Variants in RBM26 observed in about 807,000 individuals in gnomAD.
RBM26 encodes RNA-binding protein 26.
Under a neutral mutation model 123.6 loss-of-function variants are expected in RBM26, and 30 were observed. The ratio of observed to expected loss-of-function variants is 0.24; its 90% confidence interval spans 0.18 to 0.33. The LOEUF (loss-of-function observed/expected upper bound fraction) is 0.33, where lower values mean the gene tolerates loss of function less well. Ranked by LOEUF, RBM26 falls within the 10% of genes least tolerant of loss-of-function variation. The probability of loss-of-function intolerance (pLI) is 1.00; values close to 1 mark genes in which losing one functional copy is unlikely to be tolerated. For synonymous variants in RBM26, 400 were observed against 404.4 expected (o/e 0.99, Z 0.13); for missense variants, 947 against 1,203.6 (o/e 0.79, Z 3.15).
At chr13:79,351,103 A>G (rs191835738) in intron 14 of RBM26, among the ~76,000 whole-genome samples, 1 of 152,320 alleles carries the variant, frequency 6.6e-6, no homozygotes, top group African/African-American at 2.4e-5. Flanking sequence ...TAGTAAAGTT[A>G]TATTATCAAC....
intron 1 of RBM26, among the ~76,000 whole-genome samples, chr13:79,400,921 G>C (rs1270757965): frequency 6.6e-6 from 1 of 152,162 alleles, no homozygotes; most frequent in African/African-American, 2.4e-5. Flanking sequence ...TTAAAAGTCT[G>C]ACTACTACTT....
chr13:79,336,723 C>G (rs996789017), intron 19 of RBM26, among the ~76,000 whole-genome samples: 3 of 152,144 alleles, frequency 2.0e-5, no homozygotes, highest in Non-Finnish European at 4.4e-5. Flanking sequence ...TCAGCTAGAT[C>G]AAGAATACAT....
Position 79,371,098 on chromosome 13 carries a change from G to A in RBM26, c.481C>T (p.Arg161Ter). ...RKRDYDRNPP[R>*]RDSYRDRYNR... The stretch of plus-strand genomic sequence containing the variant: ...TACCGGTCTCTGTATGAATCTCTTC[G>A]AGGAGGGTTTCGATCATAATCTCTT... Residue 161 changes from arginine (R) to a stop codon, truncating the protein, a stop_gained, in exon 5 of 22, where the codon CGA becomes TGA. Transcript: ENST00000438737. LOFTEE classifies it high-confidence loss of function. 6.2e-7 allele frequency: 1 copy of A among 1,614,056 alleles called. No homozygotes were observed. Among genetic ancestry groups the A allele is most frequent in the East Asian group, 2.2e-5 (1 of 44,878 alleles).
intron 19 of RBM26, 33 bp downstream of exon 19, chr13:79,337,069 C>T (rs1432728506): frequency 3.2e-6 from 5 of 1,582,692 alleles, no homozygotes; most frequent in Non-Finnish European, 4.3e-6. Flanking sequence ...TGATGATTAT[C>T]AGCATTTGTT....
intron 3 of RBM26, chr13:79,377,065 T>C: frequency 4.6e-6 from 1 of 218,538 alleles, no homozygotes; most frequent in Non-Finnish European, 9.3e-6. Context: ...CATGTGTTGT[T>C]ACAGTTCACT....
chr13:79,399,421 AAAG>A (rs2078875073), intron 1 of RBM26, among the ~76,000 whole-genome samples: 1 of 152,232 alleles, frequency 6.6e-6, no homozygotes, highest in Admixed American at 6.5e-5. Context: ...TCTTCAGAAA[AAAG>A]AAACAGTAAA....
In RBM26 at chr13:79,365,655, A is replaced by G. The variant is rs1322600720; in HGVS notation, c.1340T>C (p.Met447Thr). ...TTGTGCATGCACTCTGTGTCTATAC[A>G]TAGGTCTGGAAGTGTTTGTTATGCT... ...APSITNTSRP[M>T]YRHRVHAQRP... The change falls in exon 9 of 22, where the codon ATG becomes ACG. Residue 447 changes from methionine to threonine, a missense_variant. Transcript: ENST00000438737. 1.9e-6 allele frequency: 3 copies of G among 1,613,778 alleles called. No individual in the cohort carries two copies. The highest frequency in any genetic ancestry group is 3.3e-5 in the Admixed American group (2 of 59,996).
intron 1 of RBM26, among the ~76,000 whole-genome samples, chr13:79,393,490 G>A (rs902075165): frequency 2.6e-5 from 4 of 152,160 alleles, no homozygotes; most frequent in Admixed American, 2.6e-4. Flanking sequence ...CAAGAAGTGA[G>A]GTTGCTGCAG....
intron 1 of RBM26, among the ~76,000 whole-genome samples, chr13:79,403,328 T>C (rs940496023): frequency 6.6e-6 from 1 of 152,180 alleles, no homozygotes; most frequent in Non-Finnish European, 1.5e-5. Flanking sequence ...CAGAGCCTTA[T>C]TTATTACAAC....
chr13:79,344,189 TAAGTTCACTCC>T (rs1404832457), intron 16 of RBM26, 48 bp downstream of exon 16: 23 of 1,058,220 alleles, frequency 2.2e-5, no homozygotes, highest in Non-Finnish European at 3.4e-5. Flanking sequence ...AGCATAAGAT[TAAGTTCACTCC>T]AAATTATAAC....
In RBM26 at chr13:79,341,044, A is replaced by G; in HGVS notation, c.2532+79T>C. The G allele has an allele frequency of 4.1e-6, 3 of 728,056 alleles. No homozygotes were observed. In the East Asian group the frequency reaches 8.1e-5, roughly 20 times the overall value. 45.1% of individuals were successfully genotyped at this position (728,056 alleles called of 1,614,324 possible). On this transcript the variant is annotated intron_variant, in intron 18 of 21. Coordinates refer to ENST00000438737, the MANE Select transcript of RBM26 (RefSeq NM_001366735.2). ...ACAATTACTAATGAGAATGAAGGGA[A>G]GGGAATATATTTTTAAATTGACCAC...
At chr13:79,374,728 G>C (rs1001630001) in intron 3 of RBM26, among the ~76,000 whole-genome samples, 2 of 151,920 alleles carry the variant, frequency 1.3e-5, no homozygotes, top group Non-Finnish European at 2.9e-5. Context: ...ATGCACTTTT[G>C]CGAGTTATCT....
intron 21 of RBM26, among the ~76,000 whole-genome samples, chr13:79,320,953 C>T (rs1393784471): frequency 6.6e-6 from 1 of 151,084 alleles, no homozygotes; most frequent in Non-Finnish European, 1.5e-5. Context: ...TTTGTACATG[C>T]CATTTTTTCC....
chr13:79,359,437 G>A (rs2074405599), intron 10 of RBM26, 138 bp downstream of exon 10: 1 of 467,308 alleles, frequency 2.1e-6, no homozygotes. Flanking sequence ...CCAATTTTTA[G>A]AAAACTCACA....
intron 8 of RBM26, 128 bp downstream of exon 8, chr13:79,365,927 T>C: frequency 3.0e-6 from 3 of 1,009,466 alleles, no homozygotes; most frequent in Middle Eastern, 3.2e-4. Context: ...TATTTAATGT[T>C]CATTCACCAC....
chr13:79,316,159 A>G (rs545878501), downstream of RBM26, among the ~76,000 whole-genome samples: 28 of 149,650 alleles, frequency 1.9e-4, no homozygotes, highest in South Asian at 4.9e-3. Flanking sequence ...TTTTTGTTTT[A>G]AAAGGCTAAT....
At chr13:79,401,056 G>T (rs1335986718) in intron 1 of RBM26, among the ~76,000 whole-genome samples, 2 of 152,104 alleles carry the variant, frequency 1.3e-5, no homozygotes, top group African/African-American at 2.4e-5. Flanking sequence ...GACTTACTAT[G>T]CCAAAAGAAG....
downstream of RBM26, chr13:79,314,572 A>G (rs2066999107): frequency 6.6e-6 from 1 of 152,126 alleles, no homozygotes; most frequent in Non-Finnish European, 1.5e-5. Flanking sequence ...AACCAAACTC[A>G]TGTTTAACTT....
intron 1 of RBM26, among the ~76,000 whole-genome samples, chr13:79,390,967 C>T (rs900028805): frequency 6.6e-6 from 1 of 152,126 alleles, no homozygotes; most frequent in African/African-American, 2.4e-5. Flanking sequence ...AACTTAGTAT[C>T]TATTTAAGGT....
Sources: gnomAD v4.1 joint callset for allele counts (sites outside exome capture counted in the v4.1 genomes callset) on GRCh38, gnomAD v4.1.1 for gene constraint, MANE v1.5 for transcripts, NCBI Gene and HGNC (gene_info 2026-07-23, HGNC 2026-07-21) for gene names.